Variants in BATF observed in about 807,000 individuals in gnomAD.
BATF encodes the protein basic leucine zipper transcriptional factor ATF-like.
BATF carries 5 observed loss-of-function variants against 13.7 expected under a neutral mutation model. That is an observed-to-expected ratio of 0.36 (90% CI 0.19 to 0.77). The LOEUF is 0.77. Among genes scored for constraint, BATF ranks in the 30% least tolerant of loss-of-function variants. The probability of loss-of-function intolerance (pLI) is 0.51; values close to 1 mark genes in which losing one functional copy is unlikely to be tolerated. For synonymous variants in BATF, 72 were observed against 67.5 expected (o/e 1.07, Z -0.33); for missense variants, 124 against 163.0 (o/e 0.76, Z 1.30).
chr14:75,538,407 T>G (rs1481508541), intron 2 of BATF, among the ~76,000 whole-genome samples: 1 of 152,144 alleles, frequency 6.6e-6, no homozygotes, highest in Admixed American at 6.5e-5. Flanking sequence ...TCCAGACTGT[T>G]TAAGGCTCTC....
intron 1 of BATF, among the ~76,000 whole-genome samples, 193 bp from the exon 2 acceptor site, chr14:75,524,891 T>G (rs999689701): frequency 2.0e-5 from 3 of 151,700 alleles, no homozygotes; most frequent in African/African-American, 7.3e-5. Context: ...GTCAGAGACC[T>G]GGGAATGTGT....
intron 2 of BATF, among the ~76,000 whole-genome samples, chr14:75,542,029 A>G (rs10139465): frequency 6.6e-6 from 1 of 151,884 alleles, no homozygotes; most frequent in Non-Finnish European, 1.5e-5. Flanking sequence ...GGAAGCAGTC[A>G]GTGTGAGAGA....
intron 2 of BATF, among the ~76,000 whole-genome samples, chr14:75,528,337 C>T (rs968643370): frequency 6.6e-6 from 1 of 152,206 alleles, no homozygotes; most frequent in East Asian, 1.9e-4. Context: ...CCTTAAAATA[C>T]TGAAACAATT....
intron 2 of BATF, among the ~76,000 whole-genome samples, chr14:75,531,268 T>C (rs1357158812): frequency 1.3e-5 from 2 of 152,244 alleles, no homozygotes; most frequent in Non-Finnish European, 2.9e-5. Flanking sequence ...TTCCTTTGTG[T>C]AGCCATCTTG....
At chr14:75,534,182 C>G (rs1044695513) in intron 2 of BATF, among the ~76,000 whole-genome samples, 1 of 152,072 alleles carries the variant, frequency 6.6e-6, no homozygotes, top group Non-Finnish European at 1.5e-5. Context: ...ATATTTGCAT[C>G]AAATTAAAGA....
intron 2 of BATF, among the ~76,000 whole-genome samples, chr14:75,539,278 G>A (rs1254628124): frequency 6.6e-6 from 1 of 152,118 alleles, no homozygotes; most frequent in Non-Finnish European, 1.5e-5. Context: ...GGAAGCCTTT[G>A]TCCTTATGAG....
chr14:75,543,916 G>T (rs1240885126), intron 2 of BATF, among the ~76,000 whole-genome samples: 2 of 151,924 alleles, frequency 1.3e-5, no homozygotes, highest in Admixed American at 6.6e-5. Context: ...TTATAGGTGT[G>T]AGCCACTGCA....
chr14:75,524,587 T>C (rs1887623941), intron 1 of BATF, among the ~76,000 whole-genome samples: 1 of 152,126 alleles, frequency 6.6e-6, no homozygotes, highest in South Asian at 2.1e-4. Context: ...GAAATGATGA[T>C]ATCAACTTCA....
At chr14:75,523,063 GAA>G (rs1887597395) in intron 1 of BATF, among the ~76,000 whole-genome samples, 1 of 152,124 alleles carries the variant, frequency 6.6e-6, no homozygotes, top group African/African-American at 2.4e-5. Context: ...AGAATGCAGA[GAA>G]AAGAGTCTAC....
chr14:75,525,001 C>T (rs574244114), intron 1 of BATF, 83 bp from the exon 2 acceptor site: 41 of 1,187,142 alleles, frequency 3.5e-5, no homozygotes, highest in Middle Eastern at 1.9e-4. Flanking sequence ...GATGGCTGGA[C>T]GGATACCACA....
intron 2 of BATF, among the ~76,000 whole-genome samples, chr14:75,533,523 G>A (rs1220377953): frequency 1.3e-5 from 2 of 152,038 alleles, no homozygotes. Flanking sequence ...ATGTCTTGAT[G>A]GAGCTATTCT....
chr14:75,527,955 C>T (rs1174601993), intron 2 of BATF, among the ~76,000 whole-genome samples: 1 of 152,234 alleles, frequency 6.6e-6, no homozygotes, highest in Admixed American at 6.5e-5. Context: ...GCAACGTGTT[C>T]AATCTGCCCT....
intron 2 of BATF, among the ~76,000 whole-genome samples, chr14:75,531,447 C>T (rs1176468899): frequency 6.6e-6 from 1 of 152,118 alleles, no homozygotes; most frequent in African/African-American, 2.4e-5. Context: ...AGCCCTGAGC[C>T]GAGCTGTTGA....
chr14:75,536,312 G>A (rs1246357359), intron 2 of BATF, among the ~76,000 whole-genome samples: 1 of 152,210 alleles, frequency 6.6e-6, no homozygotes, highest in Non-Finnish European at 1.5e-5. Context: ...GGGAGAGGGT[G>A]ATCTCAGCCT....
At chr14:75,540,029 A>G (rs1397295701) in intron 2 of BATF, among the ~76,000 whole-genome samples, 1 of 152,202 alleles carries the variant, frequency 6.6e-6, no homozygotes, top group Non-Finnish European at 1.5e-5. Flanking sequence ...TCACCCTGCC[A>G]ATACATGATT....
chr14:75,543,120 A>C (rs1271075378), intron 2 of BATF, among the ~76,000 whole-genome samples: 1 of 151,866 alleles, frequency 6.6e-6, no homozygotes, highest in Non-Finnish European at 1.5e-5. Flanking sequence ...TCTTACCAAC[A>C]CCCCCTAGTC....
In BATF at chr14:75,525,121, AG is replaced by A; in HGVS notation, c.102del (p.Asn36IlefsTer44). The A allele has an allele frequency of 6.2e-7, 1 of 1,613,986 alleles. No individual in the cohort carries two copies. Among genetic ancestry groups the A allele is most frequent in the Non-Finnish European group, 8.5e-7 (1 of 1,179,970 alleles). On this transcript the variant is annotated frameshift_variant, in exon 2 of 3. Coordinates refer to ENST00000286639, the MANE Select transcript of BATF (RefSeq NM_006399.5). LOFTEE classifies it high-confidence loss of function. Reference protein sequence around the residue: ...SDDVRRVQRREKNRIAAQKSR... With the variant: ...SDDVRRVQRRXKNRIAAQKSR... ...GATGTGAGAAGAGTTCAGAGGAGGG[AG>A]AAAAATCGTATTGCCGCCCAGAAGA... is the stretch of plus-strand genomic sequence containing the variant.
intron 2 of BATF, among the ~76,000 whole-genome samples, chr14:75,545,349 G>C (rs1887964943): frequency 1.3e-5 from 2 of 150,456 alleles, no homozygotes; most frequent in Non-Finnish European, 3.0e-5. Context: ...AGCCTCCCGG[G>C]TAGCTGGGAT....
chr14:75,528,536 G>A (rs1213503755), intron 2 of BATF, among the ~76,000 whole-genome samples: 1 of 152,140 alleles, frequency 6.6e-6, no homozygotes, highest in East Asian at 1.9e-4. Flanking sequence ...AAATGGATCG[G>A]TGATTCCTTT....
Sources: allele counts gnomAD v4.1 joint callset (sites outside exome capture counted in the v4.1 genomes callset), GRCh38; gene constraint gnomAD v4.1.1; transcripts MANE v1.5; gene names NCBI Gene and HGNC (gene_info 2026-07-23, HGNC 2026-07-21).